Variants in CUX1 observed in about 807,000 individuals in gnomAD.
CUX1 encodes the protein cut like homeobox 1, also known as protein CASP.
A neutral mutation model predicts 158.8 loss-of-function variants in CUX1; 31 were observed. That is an observed-to-expected ratio of 0.20 (90% CI 0.15 to 0.26). CUX1 has a LOEUF of 0.26. Among genes scored for constraint, CUX1 ranks in the 10% least tolerant of loss-of-function variants. The pLI is 1.00. For missense variants in CUX1, 1,589 were observed against 2,014.6 expected, an observed-to-expected ratio of 0.79 and a Z score of 4.04; for synonymous variants, 879 against 862.1, an observed-to-expected ratio of 1.02 and a Z score of -0.34.
intron 2 of CUX1, among the ~76,000 whole-genome samples, chr7:101,953,152 G>T (rs1585078556): frequency 6.6e-6 from 1 of 152,126 alleles, no homozygotes; most frequent in African/African-American, 2.4e-5. Context: ...GCAGTGGAAG[G>T]CCTCCCAGCC....
In CUX1 at chr7:102,254,142, C is replaced by T; in HGVS notation, c.*5100C>T. 3 of 985,474 alleles carry T rather than the reference C, an allele frequency of 3.0e-6. No individual in the cohort carries two copies. Among genetic ancestry groups the T allele is most frequent in the Non-Finnish European group, 2.4e-6 (2 of 829,960 alleles). 61.0% of individuals were successfully genotyped at this position (985,474 alleles called of 1,614,324 possible). ...TGCAAGGCACACGGATGTTTCCCTT[C>T]CACCTGTTCCCAAAGCTCCAGCAGC... is the stretch of plus-strand genomic sequence containing the variant. On this transcript the variant is annotated 3_prime_UTR_variant, in exon 24 of 24. Transcript: ENST00000292535.
intron 1 of CUX1, among the ~76,000 whole-genome samples, chr7:101,859,738 T>A (rs536959536): frequency 5.9e-5 from 9 of 152,242 alleles, no homozygotes; most frequent in South Asian, 2.1e-4. Context: ...TTTTTGAAAA[T>A]TTTTCCCAGC....
At chr7:101,835,259 C>T (rs1395078516) in intron 1 of CUX1, among the ~76,000 whole-genome samples, 3 of 152,200 alleles carry the variant, frequency 2.0e-5, no homozygotes, top group African/African-American at 7.2e-5. Flanking sequence ...GACCTTCGTG[C>T]TGTGGCTTCT....
chr7:102,124,042 C>A (rs530839791), intron 8 of CUX1, among the ~76,000 whole-genome samples: 1 of 152,090 alleles, frequency 6.6e-6, no homozygotes, highest in Non-Finnish European at 1.5e-5. Flanking sequence ...CTGGGTTTGG[C>A]GTGCATTCCT....
intron 17 of CUX1, 79 bp downstream of exon 17, chr7:102,200,251 T>C (rs1586178440): frequency 8.5e-7 from 1 of 1,178,578 alleles, no homozygotes; most frequent in East Asian, 2.5e-5. Context: ...CAGCAGTAAT[T>C]AACTATTTTT....
chr7:101,816,129 GT>G (rs1046654752), upstream of CUX1: 1 of 1,268,144 alleles, frequency 7.9e-7, no homozygotes. Context: ...GCGCCCGGGG[GT>G]GGGGGCTGCG....
intron 2 of CUX1, among the ~76,000 whole-genome samples, chr7:101,968,218 G>T (rs750686965): frequency 6.6e-6 from 1 of 152,058 alleles, no homozygotes; most frequent in African/African-American, 2.4e-5. Context: ...GGGTTGTATC[G>T]TTTGTCTTTT....
intron 2 of CUX1, among the ~76,000 whole-genome samples, chr7:101,938,301 C>T (rs1203183185): frequency 1.3e-5 from 2 of 151,906 alleles, no homozygotes; most frequent in Admixed American, 6.6e-5. Flanking sequence ...GACAGGGTCT[C>T]GCTATGTTGC....
At chr7:101,853,516 A>G (rs972253942) in intron 1 of CUX1, among the ~76,000 whole-genome samples, 1 of 151,978 alleles carries the variant, frequency 6.6e-6, no homozygotes, top group Non-Finnish European at 1.5e-5. Flanking sequence ...GGTCCCAGTT[A>G]GAGGTTTCCT....
intron 2 of CUX1, chr7:101,961,401 C>T (rs1050870680): frequency 1.3e-5 from 2 of 152,152 alleles, no homozygotes; most frequent in Admixed American, 1.3e-4. Context: ...AGGATGCTGA[C>T]GTTCAAATAT....
chr7:102,228,153 G>T (rs1554529389), intron 21 of CUX1, among the ~76,000 whole-genome samples: 1 of 151,884 alleles, frequency 6.6e-6, no homozygotes, highest in Non-Finnish European at 1.5e-5. Context: ...GTTTCACCAT[G>T]TTGGCCAGGC....
intron 11 of CUX1, among the ~76,000 whole-genome samples, chr7:102,187,973 C>T (rs1215669614): frequency 1.3e-5 from 2 of 151,984 alleles, no homozygotes; most frequent in Non-Finnish European, 2.9e-5. Context: ...CTTTGGGAGG[C>T]TGAAGTGGGA....
chr7:101,968,545 C>T (rs971871137), intron 2 of CUX1, among the ~76,000 whole-genome samples: 1 of 152,162 alleles, frequency 6.6e-6, no homozygotes, highest in African/African-American at 2.4e-5. Context: ...GCCTTAGCCT[C>T]CTGAGTAGCT....
At chr7:102,104,110 T>C (rs1830083615) in intron 5 of CUX1, among the ~76,000 whole-genome samples, 2 of 152,148 alleles carry the variant, frequency 1.3e-5, no homozygotes, top group Admixed American at 1.3e-4. Context: ...GCTCTTCTTT[T>C]CAGCAAAATC....
intron 8 of CUX1, among the ~76,000 whole-genome samples, chr7:102,144,235 C>A (rs150775676): frequency 2.0e-5 from 3 of 152,310 alleles, no homozygotes; most frequent in East Asian, 3.9e-4. Context: ...TCAGTGCACG[C>A]TTTACAATTA....
At chr7:101,857,416 G>A (rs1297038301) in intron 1 of CUX1, among the ~76,000 whole-genome samples, 6 of 152,236 alleles carry the variant, frequency 3.9e-5, no homozygotes, top group African/African-American at 1.2e-4. Context: ...GCCTTTCACC[G>A]CTCTTACTTA....
Position 102,256,928 on chromosome 7 carries a change from T to C in CUX1, c.*7886T>C. On this transcript the variant is annotated 3_prime_UTR_variant, in exon 24 of 24. Transcript: ENST00000292535. ...AACCATCTTTCAAAGCAACAGTGTT[T>C]TGTAGTACCAGGCTGTGGCTTGAGG... 1 of 985,506 alleles carries C rather than the reference T, an allele frequency of 1.0e-6. No individual in the cohort carries two copies. The allele number at this position is 985,506 out of a possible 1,614,324, so 61.0% of individuals were successfully genotyped here.
chr7:101,895,229 C>T (rs895765358), intron 1 of CUX1, among the ~76,000 whole-genome samples: 2 of 152,100 alleles, frequency 1.3e-5, no homozygotes, highest in Non-Finnish European at 2.9e-5. Context: ...CCATTTTGGC[C>T]AGGCTGGTCT....
intron 2 of CUX1, among the ~76,000 whole-genome samples, chr7:102,003,666 C>G (rs1427821217): frequency 6.6e-6 from 1 of 152,154 alleles, no homozygotes; most frequent in Admixed American, 6.5e-5. Context: ...GATTTCTCAT[C>G]CCTGGAATGG....
Sources: allele counts gnomAD v4.1 joint callset (sites outside exome capture counted in the v4.1 genomes callset), GRCh38; gene constraint gnomAD v4.1.1; transcripts MANE v1.5; gene names NCBI Gene and HGNC (gene_info 2026-07-23, HGNC 2026-07-21).